Variants in DCX observed in about 807,000 individuals in gnomAD.
DCX encodes neuronal migration protein doublecortin.
DCX carries 4 observed loss-of-function variants against 20.9 expected under a neutral mutation model. The ratio of observed to expected loss-of-function variants is 0.19; its 90% CI spans 0.09 to 0.44. The LOEUF (loss-of-function observed/expected upper bound fraction) is 0.44. Ranked by LOEUF, DCX falls within the 20% of genes least tolerant of loss-of-function variation. The pLI, the probability that DCX is intolerant of heterozygous loss-of-function variation, is 0.99. For missense variants in DCX, 133 were observed against 296.9 expected (o/e 0.45, Z 4.06); for synonymous variants, 103 against 111.4 (o/e 0.92, Z 0.47).
At chrX:111,377,912 A>C (rs765155478) in intron 3 of DCX, among the ~76,000 whole-genome samples, 13 of 111,131 alleles carry the variant, frequency 1.2e-4, no homozygotes, top group Non-Finnish European at 2.1e-4. Context: ...CAAAGGACTT[A>C]ACTAATCTTG....
intron 3 of DCX, among the ~76,000 whole-genome samples, chrX:111,373,536 T>G (rs1925278128): frequency 9.0e-6 from 1 of 111,085 alleles, no homozygotes; most frequent in Admixed American, 9.6e-5. Context: ...ATAGGAATAA[T>G]TGGTTGTGTT....
intron 3 of DCX, 84 bp downstream of exon 3, chrX:111,400,905 GT>G: frequency 1.1e-6 from 1 of 888,127 alleles, no homozygotes; most frequent in Non-Finnish European, 1.6e-6. Flanking sequence ...GGAAGAGTCC[GT>G]CAACAAGAAA....
chrX:111,324,873 C>T (rs939898386), intron 5 of DCX, among the ~76,000 whole-genome samples: 5 of 111,488 alleles, frequency 4.5e-5, no homozygotes, highest in Non-Finnish European at 9.4e-5. Flanking sequence ...AAGTCCCAAG[C>T]CAAGACTGGC....
At chrX:111,401,866 T>C (rs952162075) in intron 2 of DCX, among the ~76,000 whole-genome samples, 1 of 112,367 alleles carries the variant, frequency 8.9e-6, no homozygotes, top group Non-Finnish European at 1.9e-5. Context: ...ACATACTTGA[T>C]AAGAAACCAG....
chrX:111,332,279 T>A (rs1921321850), intron 4 of DCX, among the ~76,000 whole-genome samples: 1 of 112,316 alleles, frequency 8.9e-6, no homozygotes, highest in Non-Finnish European at 1.9e-5. Flanking sequence ...TAGTCATTGC[T>A]TCTTCCTAAA....
intron 3 of DCX, among the ~76,000 whole-genome samples, chrX:111,392,821 A>G (rs1447070252): frequency 1.8e-5 from 2 of 111,399 alleles, no homozygotes; most frequent in Admixed American, 1.9e-4. Context: ...AACCCCAACA[A>G]TTTTGGACAT....
At position 111,301,649 on chromosome X, in the gene DCX, T is replaced by C. The variant is rs752386303; in HGVS notation, c.*38A>G. On this transcript the variant is annotated 3_prime_UTR_variant, in exon 7 of 7. Coordinates refer to ENST00000636035, the MANE Select transcript of DCX (RefSeq NM_001195553.2). The stretch of plus-strand genomic sequence containing the variant: ...AAGTACCCTACTACAATGATAGGCT[T>C]GGATTTGTACTCTGGACTCTGAGCA... The C allele has an allele frequency of 7.6e-6, 9 of 1,191,240 alleles. No individual in the cohort carries two copies. Among genetic ancestry groups the C allele is most frequent in the Middle Eastern group, 2.3e-4 (1 of 4,338 alleles).
chrX:111,318,300 G>A (rs1450381666), intron 5 of DCX, among the ~76,000 whole-genome samples: 1 of 106,794 alleles, frequency 9.4e-6, no homozygotes, highest in African/African-American at 3.4e-5. Context: ...GTGAAAAGCA[G>A]TGTGGTGGTT....
At chrX:111,345,699 T>A (rs191718764) in intron 3 of DCX, among the ~76,000 whole-genome samples, 1 of 111,526 alleles carries the variant, frequency 9.0e-6, no homozygotes, top group Admixed American at 9.5e-5. Flanking sequence ...TGAGATACTA[T>A]CTCACGCCAG....
intron 5 of DCX, among the ~76,000 whole-genome samples, chrX:111,325,496 A>AAT (rs1391572932): frequency 8.9e-6 from 1 of 112,373 alleles, no homozygotes; most frequent in Admixed American, 9.4e-5. Context: ...AACTTAATTC[A>AAT]TAGTGCAATT....
intron 3 of DCX, among the ~76,000 whole-genome samples, chrX:111,385,746 G>GAA (rs1556396539): frequency 3.2e-5 from 3 of 95,055 alleles, no homozygotes; most frequent in Non-Finnish European, 4.2e-5. Context: ...AGGAAGGAAG[G>GAA]GAGAAAGAGA....
At chrX:111,310,613 A>G (rs1331177185) in intron 6 of DCX, among the ~76,000 whole-genome samples, 1 of 112,186 alleles carries the variant, frequency 8.9e-6, no homozygotes, top group African/African-American at 3.2e-5. Context: ...TGTTTACTTT[A>G]TTTAAAAGCT....
intron 3 of DCX, among the ~76,000 whole-genome samples, chrX:111,371,011 C>T (rs1925040747): frequency 8.9e-6 from 1 of 111,937 alleles, no homozygotes; most frequent in African/African-American, 3.2e-5. Context: ...CTCTATCAAT[C>T]CATCCTATTT....
intron 5 of DCX, among the ~76,000 whole-genome samples, chrX:111,313,260 C>G (rs1008701596): frequency 9.0e-6 from 1 of 110,613 alleles, no homozygotes; most frequent in African/African-American, 3.3e-5. Flanking sequence ...TCATGCCACA[C>G]CATTGTGCCT....
At chrX:111,402,517 A>C (rs1171460186) in intron 2 of DCX, among the ~76,000 whole-genome samples, 1 of 111,693 alleles carries the variant, frequency 9.0e-6, no homozygotes, top group Non-Finnish European at 1.9e-5. Context: ...ATAAATAAAT[A>C]AACCCTAGCC....
chrX:111,318,644 G>A (rs184300848), intron 5 of DCX, among the ~76,000 whole-genome samples: 24 of 110,902 alleles, frequency 2.2e-4, no homozygotes, highest in African/African-American at 7.2e-4. Context: ...TGTACTTTGC[G>A]GTACCATGGA....
intron 5 of DCX, among the ~76,000 whole-genome samples, chrX:111,314,890 A>T (rs778262564): frequency 3.6e-5 from 4 of 109,642 alleles, no homozygotes; most frequent in South Asian, 3.9e-4. Flanking sequence ...GGTCGCAAAA[A>T]TTTTTTCCCA....
intron 3 of DCX, among the ~76,000 whole-genome samples, chrX:111,367,804 T>G (rs1373405235): frequency 9.0e-6 from 1 of 111,064 alleles, no homozygotes; most frequent in Non-Finnish European, 1.9e-5. Context: ...CCAGGGGAAG[T>G]CTAGAGCAAA....
intron 1 of DCX, 37 bp from the exon 2 acceptor site, chrX:111,410,457 CA>C (rs1569498612): frequency 8.4e-7 from 1 of 1,191,824 alleles, no homozygotes; most frequent in East Asian, 3.0e-5. Flanking sequence ...TGAAGAGAGG[CA>C]AAAACAAAAA....
Sources: allele counts gnomAD v4.1 joint callset (sites outside exome capture counted in the v4.1 genomes callset), GRCh38; gene constraint gnomAD v4.1.1; transcripts MANE v1.5; gene names NCBI Gene and HGNC (gene_info 2026-07-23, HGNC 2026-07-21).